Variants in KIRREL3 observed in about 807,000 individuals in gnomAD.
KIRREL3 encodes kirre like nephrin family adhesion molecule 3.
In KIRREL3, 36 loss-of-function variants were observed where a neutral mutation model predicts 89.7. The ratio of observed to expected loss-of-function variants is 0.40; its 90% CI spans 0.31 to 0.53. KIRREL3 has a LOEUF of 0.53. Among genes scored for constraint, KIRREL3 ranks in the 20% least tolerant of loss-of-function variants. KIRREL3 has a pLI of 0.49. For synonymous variants in KIRREL3, 445 were observed against 441.4 expected (o/e 1.01, Z -0.10); for missense variants, 864 against 1,056.6 (o/e 0.82, Z 2.53).
intron 1 of KIRREL3, among the ~76,000 whole-genome samples, chr11:126,842,201 T>G (rs1424184164): frequency 6.6e-6 from 1 of 152,204 alleles, no homozygotes; most frequent in Non-Finnish European, 1.5e-5. Flanking sequence ...ATCTGGACTC[T>G]GCACTCAGGA....
At chr11:126,967,591 A>G (rs1949308310) in intron 1 of KIRREL3, among the ~76,000 whole-genome samples, 1 of 152,006 alleles carries the variant, frequency 6.6e-6, no homozygotes, top group South Asian at 2.1e-4. Context: ...CATCCATCTC[A>G]GAGACAAAGA....
In KIRREL3 at chr11:126,987,872, G is replaced by A. The variant is rs1949913865; in HGVS notation, c.55+12583C>T. On this transcript the variant is annotated intron_variant, in intron 1 of 16. Transcript: ENST00000525144. This position sits in a 1 kb window ranked among gnomAD's most constrained non-coding sequence, Gnocchi z 4.6. Reference sequence around the variant, plus strand: ...TTAAGCATGGCCTGGGTAGACATGTGCCATCTTCTAAAATGATTTCTGACA... The same window carrying A: ...TTAAGCATGGCCTGGGTAGACATGTACCATCTTCTAAAATGATTTCTGACA... Among the ~76,000 whole-genome samples the A allele has an allele frequency of 6.6e-6, 1 of 152,124 alleles. No homozygotes were observed. The highest frequency in any genetic ancestry group is 1.5e-5 in the Non-Finnish European group (1 of 68,012).
At chr11:126,507,829 T>C (rs1282463238) in intron 4 of KIRREL3, among the ~76,000 whole-genome samples, 1 of 152,220 alleles carries the variant, frequency 6.6e-6, no homozygotes. Context: ...GACGGGGAAG[T>C]CCCGGGGGAC....
intron 1 of KIRREL3, among the ~76,000 whole-genome samples, chr11:126,714,447 C>T (rs1947880431): frequency 6.6e-6 from 1 of 152,222 alleles, no homozygotes; most frequent in Admixed American, 6.5e-5. Flanking sequence ...CTGCGATTCT[C>T]TGTGGGACAG....
In KIRREL3 at chr11:126,740,469, C is replaced by A. The variant is rs920506072; in HGVS notation, c.56-177557G>T. Among the ~76,000 whole-genome samples the A allele has an allele frequency of 1.3e-5, 2 of 152,142 alleles. No individual in the cohort carries two copies. The highest frequency in any genetic ancestry group is 2.9e-5 in the Non-Finnish European group (2 of 68,012). ...GACCAGCCTTTGGTGTCACTAGGTC[C>A]TCTGACTTGAGTGTGACACAAAAGC... On this transcript the variant is annotated intron_variant, in intron 1 of 16. Transcript: ENST00000525144. This position sits in a 1 kb window ranked among gnomAD's most constrained non-coding sequence, Gnocchi z 6.0.
chr11:126,908,936 A>T lies in KIRREL3; in HGVS notation c.55+91519T>A, dbSNP rs111992039. Among the ~76,000 whole-genome samples the T allele has an allele frequency of 0.06, 9,185 of 152,260 alleles. 614 individuals carry two copies. Among genetic ancestry groups the T allele is most frequent in the African/African-American group, 0.16 (6,774 of 41,512 alleles). On this transcript the variant is annotated intron_variant, in intron 1 of 16. Transcript: ENST00000525144. This position sits in a 1 kb window ranked among gnomAD's most constrained non-coding sequence, Gnocchi z 4.2. Reference sequence around the variant, plus strand: ...CTAAGCACATACACTTTAAATATCTAATTACTTATAATACATAATAAAAAT... The same window carrying T: ...CTAAGCACATACACTTTAAATATCTTATTACTTATAATACATAATAAAAAT...
At chr11:126,781,034 C>T (rs1950311373) in intron 1 of KIRREL3, among the ~76,000 whole-genome samples, 1 of 152,112 alleles carries the variant, frequency 6.6e-6, no homozygotes. Context: ...GAGGCAGGGA[C>T]CAGGAAGCAA....
chr11:126,982,988 C>T (rs1949759319), intron 1 of KIRREL3, among the ~76,000 whole-genome samples: 1 of 152,182 alleles, frequency 6.6e-6, no homozygotes, highest in Non-Finnish European at 1.5e-5. Flanking sequence ...CTGCTAATCT[C>T]TCCCCCATGG....
chr11:126,439,345 A>G (rs1324717199), intron 11 of KIRREL3, among the ~76,000 whole-genome samples: 1 of 151,644 alleles, frequency 6.6e-6, no homozygotes, highest in Non-Finnish European at 1.5e-5. Flanking sequence ...AGAAAGAGGG[A>G]AAAAAAGACT....
At chr11:126,866,493 G>C (rs1197570994) in intron 1 of KIRREL3, among the ~76,000 whole-genome samples, 1 of 152,208 alleles carries the variant, frequency 6.6e-6, no homozygotes, top group Non-Finnish European at 1.5e-5. Context: ...TGAAATAGGA[G>C]GGGGGCCGGG....
At chr11:126,604,079 C>T (rs974573973) in intron 1 of KIRREL3, among the ~76,000 whole-genome samples, 1 of 152,216 alleles carries the variant, frequency 6.6e-6, no homozygotes, top group Non-Finnish European at 1.5e-5. Context: ...CTTCCTCCCT[C>T]CCTTCTATCC....
At chr11:126,945,335 G>T (rs56300747) in intron 1 of KIRREL3, among the ~76,000 whole-genome samples, 4 of 152,192 alleles carry the variant, frequency 2.6e-5, no homozygotes, top group African/African-American at 4.8e-5. Context: ...GACAGGCTGT[G>T]GGGGGCAGAG....
At position 126,812,467 on chromosome 11, in the gene KIRREL3, C is replaced by G. The variant is rs138642664; in HGVS notation, c.55+187988G>C. Among the ~76,000 whole-genome samples the G allele has an allele frequency of 1.6e-3, 245 of 152,234 alleles. 2 individuals are homozygous for G. Among genetic ancestry groups the G allele is most frequent in the Non-Finnish European group, 1.4e-3 (95 of 68,030 alleles). ...TTGTCCACTGAACAGAATGGTGAAC[C>G]CTGAGCATCTTTCCCATGAAAGGCA... On this transcript the variant is annotated intron_variant, in intron 1 of 16. Coordinates refer to ENST00000525144, the MANE Select transcript of KIRREL3 (RefSeq NM_032531.4). The surrounding 1 kb of genome is among the most constrained non-coding windows in gnomAD (Gnocchi z 5.2).
In KIRREL3 at chr11:126,423,703, G is replaced by A. The variant is rs1386559292; in HGVS notation, c.*877C>T. On this transcript the variant is annotated 3_prime_UTR_variant, in exon 17 of 17. Coordinates refer to ENST00000525144, the MANE Select transcript of KIRREL3 (RefSeq NM_032531.4). ...CCCAGGAAGCACTCTCTCCATAAGT[G>A]TTCAGAGAACCCTGACCAGAGAAGC... The A allele has an allele frequency of 6.6e-6, 1 of 152,160 alleles. No individual in the cohort carries two copies. Among genetic ancestry groups the A allele is most frequent in the Non-Finnish European group, 1.5e-5 (1 of 68,044 alleles). 9.4% of individuals were successfully genotyped at this position (152,160 alleles called of 1,614,324 possible). A position where few individuals can be genotyped will look rare whatever the true frequency, so the allele number is the denominator to read the frequency against.
At position 126,459,890 on chromosome 11, in the gene KIRREL3, C is replaced by A. The variant is rs11828663; in HGVS notation, c.742+3267G>T. On this transcript the variant is annotated intron_variant, in intron 6 of 16. Transcript: ENST00000525144. The surrounding 1 kb of genome is among the most constrained non-coding windows in gnomAD (Gnocchi z 4.8). ...GCTTTGGGGGTGTTAAGCTTTCTCTCCCATTACTCAATCTGAGGGCTTTGT... is the reference window on the plus strand; with the variant it reads ...GCTTTGGGGGTGTTAAGCTTTCTCTACCATTACTCAATCTGAGGGCTTTGT... Among the ~76,000 whole-genome samples the A allele has an allele frequency of 9.4e-3, 1,437 of 152,286 alleles. 27 individuals carry two copies. The highest frequency in any genetic ancestry group is 0.031 in the African/African-American group (1,291 of 41,554).
rs1951436327 is a variant in KIRREL3, at chr11:126,812,898, T to C, written c.55+187557A>G. On this transcript the variant is annotated intron_variant, in intron 1 of 16. Transcript: ENST00000525144. The surrounding 1 kb of genome is among the most constrained non-coding windows in gnomAD (Gnocchi z 5.2). ...TACGGGAATCTGCGCACCTCTGCTGTGACCGGGAAGCTGGGCTCTCATTGG... is the reference window on the plus strand; with the variant it reads ...TACGGGAATCTGCGCACCTCTGCTGCGACCGGGAAGCTGGGCTCTCATTGG... Among the ~76,000 whole-genome samples, 3 of 152,226 alleles carry C rather than the reference T, an allele frequency of 2.0e-5. No individual in the cohort carries two copies. Among genetic ancestry groups the C allele is most frequent in the African/African-American group, 7.2e-5 (3 of 41,448 alleles).
At chr11:126,467,910 AG>A (rs933483427) in intron 5 of KIRREL3, among the ~76,000 whole-genome samples, 1 of 152,040 alleles carries the variant, frequency 6.6e-6, no homozygotes, top group Non-Finnish European at 1.5e-5. Context: ...GTGACCAGGG[AG>A]GGGGTGCCCA....
In KIRREL3 at chr11:126,527,897, T is replaced by G. The variant is rs1448395871; in HGVS notation, c.134-1210A>C. Among the ~76,000 whole-genome samples the G allele has an allele frequency of 6.6e-6, 1 of 152,172 alleles. No homozygotes were observed. The highest frequency in any genetic ancestry group is 1.9e-4 in the East Asian group (1 of 5,192). On this transcript the variant is annotated intron_variant, in intron 2 of 16. Coordinates refer to ENST00000525144, the MANE Select transcript of KIRREL3 (RefSeq NM_032531.4). This position sits in a 1 kb window ranked among gnomAD's most constrained non-coding sequence, Gnocchi z 4.2. Reference sequence around the variant, plus strand: ...GAGGTGTGATGTGATCTGTGTCTCCTGGGAGTCCACAGTTGAGTGGACAAT... The same window carrying G: ...GAGGTGTGATGTGATCTGTGTCTCCGGGGAGTCCACAGTTGAGTGGACAAT...
At chr11:126,792,665 T>C (rs1376141568) in intron 1 of KIRREL3, among the ~76,000 whole-genome samples, 1 of 152,208 alleles carries the variant, frequency 6.6e-6, no homozygotes, top group African/African-American at 2.4e-5. Flanking sequence ...AGAATAGATA[T>C]ATAAATTATG....
Sources: allele counts gnomAD v4.1 joint callset (sites outside exome capture counted in the v4.1 genomes callset), GRCh38; gene constraint gnomAD v4.1.1; non-coding constraint Gnocchi (gnomAD v3.1); transcripts MANE v1.5; gene names NCBI Gene and HGNC (gene_info 2026-07-23, HGNC 2026-07-21).